Variants in SAMTOR observed in about 807,000 individuals in gnomAD.
The protein encoded by SAMTOR is UPF0532 protein C7orf60.
At chr7:112,827,327 T>C in the SAMTOR span, among the ~76,000 whole-genome samples, 1 of 152,242 alleles carries the variant, frequency 6.6e-6, no homozygotes, top group African/African-American at 2.4e-5. Flanking sequence ...GCTATTTATT[T>C]TCTACTTGTC....
the SAMTOR span, among the ~76,000 whole-genome samples, chr7:112,849,992 A>G: frequency 6.6e-6 from 1 of 152,142 alleles, no homozygotes; most frequent in Non-Finnish European, 1.5e-5. Context: ...GGATCACCTG[A>G]GGTCAGGAGT....
At chr7:112,930,024 T>C in the SAMTOR span, among the ~76,000 whole-genome samples, 2 of 152,160 alleles carry the variant, frequency 1.3e-5, no homozygotes, top group African/African-American at 4.8e-5. Context: ...TCTTAAACTT[T>C]TAGAAATTCA....
At chr7:112,893,237 G>A in the SAMTOR span, among the ~76,000 whole-genome samples, 1,656 of 152,264 alleles carry the variant, frequency 0.011, 31 homozygotes, top group African/African-American at 0.037. Flanking sequence ...CCTAAAAGGC[G>A]CCTTCTTCTT....
the SAMTOR span, among the ~76,000 whole-genome samples, chr7:112,824,413 T>C: frequency 6.6e-5 from 10 of 152,112 alleles, no homozygotes; most frequent in Admixed American, 2.6e-4. Context: ...CAGACTGGAG[T>C]GCAGTAGCGT....
At chr7:112,923,762 T>C in the SAMTOR span, among the ~76,000 whole-genome samples, 2 of 152,074 alleles carry the variant, frequency 1.3e-5, no homozygotes, top group Admixed American at 6.6e-5. Flanking sequence ...ATTGCGGCAC[T>C]ATTCACAATA....
chr7:112,820,103 A>G, the SAMTOR span: 1 of 152,526 alleles, frequency 6.6e-6, no homozygotes, highest in Non-Finnish European at 1.5e-5. Context: ...TGAGCAACCA[A>G]TATTTATTGC....
At chr7:112,824,090 A>T in the SAMTOR span, among the ~76,000 whole-genome samples, 1 of 152,160 alleles carries the variant, frequency 6.6e-6, no homozygotes, top group Non-Finnish European at 1.5e-5. Flanking sequence ...CCTTTATGAT[A>T]TATGACTTGA....
chr7:112,912,566 A>G, the SAMTOR span, among the ~76,000 whole-genome samples: 1 of 152,138 alleles, frequency 6.6e-6, no homozygotes, highest in East Asian at 1.9e-4. Flanking sequence ...CATATAGCTC[A>G]TAATTATATA....
At chr7:112,924,389 C>T in the SAMTOR span, among the ~76,000 whole-genome samples, 1 of 151,946 alleles carries the variant, frequency 6.6e-6, no homozygotes, top group Non-Finnish European at 1.5e-5. Context: ...TTCCATTAAT[C>T]CCAGTTACTG....
At chr7:112,869,242 C>T in the SAMTOR span, among the ~76,000 whole-genome samples, 2 of 152,108 alleles carry the variant, frequency 1.3e-5, no homozygotes. Flanking sequence ...GGGACCAGAG[C>T]GTGTGGGCTG....
At chr7:112,834,982 A>G in the SAMTOR span, among the ~76,000 whole-genome samples, 1 of 152,182 alleles carries the variant, frequency 6.6e-6, no homozygotes, top group Non-Finnish European at 1.5e-5. Context: ...TAATTTTTAT[A>G]GCATTTTGTT....
At chr7:112,922,866 C>T in the SAMTOR span, among the ~76,000 whole-genome samples, 10 of 140,316 alleles carry the variant, frequency 7.1e-5, no homozygotes, top group African/African-American at 2.7e-4. Context: ...GCCACCCCGT[C>T]CGGGAGGGAG....
chr7:112,843,221 C>T, the SAMTOR span, among the ~76,000 whole-genome samples: 1 of 151,882 alleles, frequency 6.6e-6, no homozygotes, highest in Non-Finnish European at 1.5e-5. Flanking sequence ...TTTCAAAATG[C>T]TTTCAGAAAT....
chr7:112,829,582 G>A, the SAMTOR span, among the ~76,000 whole-genome samples: 7 of 152,060 alleles, frequency 4.6e-5, no homozygotes, highest in Non-Finnish European at 1.0e-4. Context: ...TTTTTTGGAT[G>A]CTAGACATGG....
At chr7:112,878,819 T>C in the SAMTOR span, among the ~76,000 whole-genome samples, 2 of 152,126 alleles carry the variant, frequency 1.3e-5, no homozygotes. Flanking sequence ...GTAAAAGAGC[T>C]GGCATTATTG....
At chr7:112,898,593 C>T in the SAMTOR span, among the ~76,000 whole-genome samples, 7 of 152,124 alleles carry the variant, frequency 4.6e-5, no homozygotes, top group Non-Finnish European at 1.0e-4. Context: ...ACCCCAAGTC[C>T]CTGCAGGATT....
chr7:112,868,378 A>G, the SAMTOR span, among the ~76,000 whole-genome samples: 48 of 152,320 alleles, frequency 3.2e-4, no homozygotes, highest in African/African-American at 1.1e-3. Flanking sequence ...GGAGAAGGCA[A>G]GCCAGCAATC....
At chr7:112,928,444 A>C in the SAMTOR span, among the ~76,000 whole-genome samples, 80 of 152,088 alleles carry the variant, frequency 5.3e-4, 3 homozygotes, top group East Asian at 0.011. Context: ...TCATTTATAC[A>C]TACTGTCTAT....
At chr7:112,850,220 A>AC in the SAMTOR span, among the ~76,000 whole-genome samples, 1 of 151,944 alleles carries the variant, frequency 6.6e-6, no homozygotes, top group African/African-American at 2.4e-5. Flanking sequence ...AACAACAACA[A>AC]AAAAAACCAT....
Sources: gnomAD v4.1 joint callset for allele counts (sites outside exome capture counted in the v4.1 genomes callset) on GRCh38, gnomAD v4.1.1 for gene constraint, MANE v1.5 for transcripts, NCBI Gene and HGNC (gene_info 2026-07-23, HGNC 2026-07-21) for gene names.